Variants in SLC6A15 observed in about 807,000 individuals in gnomAD.
SLC6A15 encodes solute carrier family 6 member 15, also known as sodium-dependent neutral amino acid transporter B(0)AT2.
A neutral mutation model predicts 68.5 loss-of-function variants in SLC6A15; 33 were observed. The ratio of observed to expected loss-of-function variants is 0.48; its 90% CI spans 0.37 to 0.64. SLC6A15 has a LOEUF of 0.64. Among genes scored for constraint, SLC6A15 ranks in the 30% least tolerant of loss-of-function variants. The pLI, the probability that SLC6A15 is intolerant of heterozygous loss-of-function variation, is 0.00. For missense variants in SLC6A15, 747 were observed against 874.3 expected, an observed-to-expected ratio of 0.85 and a Z score of 1.84; for synonymous variants, 347 against 301.0, an observed-to-expected ratio of 1.15 and a Z score of -1.58.
At chr12:84,906,343 C>T (rs1425212022) in intron 1 of SLC6A15, among the ~76,000 whole-genome samples, 1 of 152,120 alleles carries the variant, frequency 6.6e-6, no homozygotes, top group East Asian at 1.9e-4. Context: ...GAAAACTCAA[C>T]ATAAGAAAGA....
chr12:84,911,055 G>A (rs543198369), intron 1 of SLC6A15, among the ~76,000 whole-genome samples: 170 of 152,186 alleles, frequency 1.1e-3, no homozygotes, highest in African/African-American at 3.9e-3. Flanking sequence ...CCCAGTACTG[G>A]GCGCCTAAGA....
At chr12:84,898,719 C>A (rs1029956004) in intron 1 of SLC6A15, among the ~76,000 whole-genome samples, 1 of 152,172 alleles carries the variant, frequency 6.6e-6, no homozygotes, top group Non-Finnish European at 1.5e-5. Flanking sequence ...TATCACAACA[C>A]TAAGACTATA....
intron 1 of SLC6A15, among the ~76,000 whole-genome samples, chr12:84,907,173 C>A (rs544378266): frequency 4.6e-5 from 7 of 151,934 alleles, no homozygotes; most frequent in African/African-American, 1.4e-4. Context: ...CACGGTGAAA[C>A]CCTGTCTATA....
At position 84,873,295 on chromosome 12, in the gene SLC6A15, C is replaced by G. The variant is rs1871370635; in HGVS notation, c.901G>C (p.Glu301Gln). 1.2e-6 allele frequency: 2 copies of G among 1,614,100 alleles called. No homozygotes were observed. The highest frequency in any genetic ancestry group is 1.7e-6 in the Non-Finnish European group (2 of 1,179,980). ...GCAAAGAACACTTGAGTAGCAGCTT[C>G]TCTCCAGACCTTGGGCTCCAGCATT... ...EIMLEPKVWR[E>Q]AATQVFFALG... The change falls in exon 7 of 12, where the codon GAA (glutamate) becomes CAA (glutamine). Residue 301 changes from glutamate to glutamine, a missense_variant. Transcript: ENST00000266682.
intron 1 of SLC6A15, among the ~76,000 whole-genome samples, chr12:84,894,114 T>C (rs929499348): frequency 4.6e-5 from 7 of 152,140 alleles, no homozygotes; most frequent in African/African-American, 1.4e-4. Context: ...ATTTATATTA[T>C]TTTCCCCTAC....
intron 5 of SLC6A15, among the ~76,000 whole-genome samples, chr12:84,880,304 A>T (rs1871762393): frequency 2.0e-5 from 3 of 152,296 alleles, no homozygotes; most frequent in Admixed American, 6.5e-5. Context: ...ATAAACACAA[A>T]TTATTTGCAT....
intron 10 of SLC6A15, 68 bp downstream of exon 10, chr12:84,866,966 T>C (rs1167008400): frequency 1.5e-6 from 2 of 1,303,832 alleles, no homozygotes; most frequent in Admixed American, 2.6e-5. Flanking sequence ...CTAAATGAAA[T>C]GAACATTGAT....
chr12:84,881,725 C>G (rs1871830280), intron 5 of SLC6A15: 2 of 899,072 alleles, frequency 2.2e-6, no homozygotes, highest in Non-Finnish European at 2.7e-6. Context: ...CAATATTTCT[C>G]TCTTCTGTAC....
In SLC6A15 at chr12:84,876,615, G is replaced by T; in HGVS notation, c.757-8C>A. On this transcript the variant is annotated splice_polypyrimidine_tract_variant and splice_region_variant and intron_variant, in intron 5 of 11. Transcript: ENST00000266682. ...AGAACTAAAATATATGATCTGCAAA[G>T]AAATAAAAATAAAAATAAGTGAGAT... The T allele has an allele frequency of 1.5e-6, 2 of 1,374,236 alleles. No individual in the cohort carries two copies. The highest frequency in any genetic ancestry group is 2.0e-6 in the Non-Finnish European group (2 of 992,458). 85.1% of individuals were successfully genotyped at this position (1,374,236 alleles called of 1,614,324 possible). A position where few individuals can be genotyped will look rare whatever the true frequency, so the allele number is the denominator to read the frequency against.
rs182506317 is a variant in SLC6A15 at position 84,902,510 on chromosome 12, A to G, written c.-189+10013T>C. Among the ~76,000 whole-genome samples, 11 of 149,058 alleles carry G rather than the reference A, an allele frequency of 7.4e-5. No homozygotes were observed. The East Asian group carries it at 2.1e-3, about 29-fold the overall frequency. On this transcript the variant is annotated intron_variant, in intron 1 of 11. Coordinates refer to ENST00000266682, the MANE Select transcript of SLC6A15 (RefSeq NM_182767.6). Reference sequence around the variant, plus strand: ...AGCAACTATATTTCAGAGATATATCACAGAAAAATAAAAAAAAACTTACAA... The same window carrying G: ...AGCAACTATATTTCAGAGATATATCGCAGAAAAATAAAAAAAAACTTACAA...
intron 2 of SLC6A15, among the ~76,000 whole-genome samples, chr12:84,890,746 C>T (rs538090440): frequency 2.0e-5 from 3 of 152,206 alleles, no homozygotes; most frequent in South Asian, 2.1e-4. Flanking sequence ...AATTTACATA[C>T]GCATGGGTTT....
At chr12:84,905,641 A>T in intron 1 of SLC6A15, among the ~76,000 whole-genome samples, 1 of 152,188 alleles carries the variant, frequency 6.6e-6, no homozygotes, top group East Asian at 1.9e-4. Flanking sequence ...CAAAATTCTC[A>T]GATGCTCAAG....
chr12:84,867,852 T>A (rs181316608), intron 9 of SLC6A15: 1 of 152,204 alleles, frequency 6.6e-6, no homozygotes, highest in East Asian at 1.9e-4. Context: ...AAAAAGAGTT[T>A]CCCCAGTAAT....
intron 1 of SLC6A15, among the ~76,000 whole-genome samples, chr12:84,904,250 A>AGAGAGAG (rs58378838): frequency 4.0e-5 from 6 of 149,392 alleles, no homozygotes; most frequent in Admixed American, 6.7e-5. Flanking sequence ...AGAGAGAGAG[A>AGAGAGAG]AATAGTCTCA....
At chr12:84,878,284 C>T (rs1272155184) in intron 5 of SLC6A15, among the ~76,000 whole-genome samples, 2 of 151,932 alleles carry the variant, frequency 1.3e-5, no homozygotes. Flanking sequence ...TTGATTAATC[C>T]TTCACTCAAA....
At chr12:84,887,684 T>C (rs1872179714) in intron 2 of SLC6A15, among the ~76,000 whole-genome samples, 1 of 152,096 alleles carries the variant, frequency 6.6e-6, no homozygotes, top group Non-Finnish European at 1.5e-5. Context: ...TATGAATGGA[T>C]TTTTTATACG....
rs766602334 is a variant in SLC6A15, at chr12:84,870,627, G to A, written c.1346C>T (p.Ala449Val). 4 of 1,611,984 alleles carry A rather than the reference G, an allele frequency of 2.5e-6. No homozygotes were observed. Among genetic ancestry groups the A allele is most frequent in the Non-Finnish European group, 1.7e-6 (2 of 1,178,970 alleles). The stretch of plus-strand genomic sequence containing the variant: ...GGGAGATGCAGGAAAATGTGTCATC[G>A]CTTCTGTAAAGGCAATAAAAGCTAA... ...TGLAFIAFTE[A>V]MTHFPASPFW... Residue 449 changes from alanine (A) to valine (V), a missense_variant, in exon 9 of 12, where the codon GCG (alanine) becomes GTG (valine). Ala to Val is a moderately conservative substitution (Grantham distance 64). Coordinates refer to ENST00000266682, the MANE Select transcript of SLC6A15 (RefSeq NM_182767.6).
chr12:84,891,749 T>A lies in SLC6A15; in HGVS notation c.289+83A>T, dbSNP rs970255548. The stretch of plus-strand genomic sequence containing the variant: ...ATGAAATTGAAAGTTTCAAAAATAA[T>A]GAGAAACAGCAATAATAGGAGCTAT... On this transcript the variant is annotated intron_variant, in intron 2 of 11. Coordinates refer to ENST00000266682, the MANE Select transcript of SLC6A15 (RefSeq NM_182767.6). 14 of 1,347,894 alleles carry A rather than the reference T, an allele frequency of 1.0e-5. No individual in the cohort carries two copies. The Admixed American group carries it at 3.2e-4, about 31-fold the overall frequency. 83.5% of individuals were successfully genotyped at this position (1,347,894 alleles called of 1,614,324 possible). A position where few individuals can be genotyped will look rare whatever the true frequency, so the allele number is the denominator to read the frequency against.
In SLC6A15 at chr12:84,872,667, C is replaced by T. The variant is rs767834823; in HGVS notation, c.1237G>A (p.Val413Met). 3 of 1,611,878 alleles carry T rather than the reference C, an allele frequency of 1.9e-6. No homozygotes were observed. In the African/African-American group the frequency reaches 4.0e-5, roughly 22 times the overall value. Residue 413 changes from valine to methionine, a missense_variant, in exon 8 of 12, where the codon GTG becomes ATG. Physicochemically the swap from Val to Met is conservative, Grantham distance 21. Coordinates refer to ENST00000266682, the MANE Select transcript of SLC6A15 (RefSeq NM_182767.6). ...YHLVYDIIQK[V>M]KEEEFPALHL... The stretch of plus-strand genomic sequence containing the variant: ...AGAGCAGGAAACTCTTCTTCTTTCA[C>T]TTTTTGAATGATGTCATAAACTAAA...
Sources: allele counts gnomAD v4.1 joint callset (sites outside exome capture counted in the v4.1 genomes callset), GRCh38; gene constraint gnomAD v4.1.1; transcripts MANE v1.5; gene names NCBI Gene and HGNC (gene_info 2026-07-23, HGNC 2026-07-21).